Variants in AGAP4 observed in about 807,000 individuals in gnomAD.
AGAP4 encodes the protein ArfGAP with GTPase domain, ankyrin repeat and PH domain 4, also known as arf-GAP with GTPase, ANK repeat and PH domain-containing protein 4.
Under a neutral mutation model 60.7 loss-of-function variants are expected in AGAP4, and 13 were observed. The ratio of observed to expected loss-of-function variants is 0.21; its 90% CI spans 0.14 to 0.34. The LOEUF (loss-of-function observed/expected upper bound fraction) is 0.34, where lower values mean the gene tolerates loss of function less well. AGAP4 is among the 10% of genes least tolerant of loss of function. The probability of loss-of-function intolerance (pLI) is 1.00; values close to 1 mark genes in which losing one functional copy is unlikely to be tolerated. For missense variants in AGAP4, 169 were observed against 884.0 expected (o/e 0.19, Z 10.26); for synonymous variants, 70 against 339.0 (o/e 0.21, Z 8.72).
In AGAP4 at chr10:45,847,180, A is replaced by G; in HGVS notation, c.168T>C (p.Val56=). ...GCATGTGGAGGTCCTCACCAACTTC[A>G]ACAGTCACCTCAGCAGGCTGTACAG... ...AAAVQPAEVT[V]EVGEDLHMHH... The change falls in exon 1 of 8, where the codon GTT becomes GTC. Residue 56 remains valine (V), a synonymous_variant. Transcript: ENST00000616763. 1 of 1,601,008 alleles carries G rather than the reference A, an allele frequency of 6.2e-7. No homozygotes were observed. Among genetic ancestry groups the G allele is most frequent in the South Asian group, 1.1e-5 (1 of 91,006 alleles).
chr10:45,828,686 CTTTTTTTTTT>C (rs1229743163), intron 6 of AGAP4, among the ~76,000 whole-genome samples: 1 of 41,358 alleles, frequency 2.4e-5, no homozygotes, highest in Non-Finnish European at 4.2e-5. Flanking sequence ...CATAACTGTT[CTTTTTTTTTT>C]TTTTTTTTTT....
chr10:45,834,355 T>G (rs1483351765), intron 4 of AGAP4, among the ~76,000 whole-genome samples: 1 of 138,134 alleles, frequency 7.2e-6, no homozygotes, highest in Non-Finnish European at 1.5e-5. Flanking sequence ...AACAAGGATT[T>G]TATGAATTAC....
upstream of AGAP4, among the ~76,000 whole-genome samples, chr10:45,848,539 G>A (rs1554899915): frequency 7.9e-5 from 12 of 151,356 alleles, no homozygotes. Flanking sequence ...TTAACCCTCA[G>A]AAACAATCTC....
At chr10:45,849,533 A>T (rs1315557405), upstream of AGAP4, among the ~76,000 whole-genome samples, 6 of 151,004 alleles carry the variant, frequency 4.0e-5, no homozygotes, top group African/African-American at 1.5e-4. Flanking sequence ...TTGCCCAGTG[A>T]AATTGTTTCT....
Position 45,826,466 on chromosome 10 carries a change from C to T in AGAP4, c.1510G>A (p.Gly504Arg). The change falls in exon 8 of 8, where the codon GGA (glycine) becomes AGA (arginine). Residue 504 changes from glycine (G) to arginine (R), a missense_variant. Coordinates refer to ENST00000616763, the MANE Select transcript of AGAP4 (RefSeq NM_001276343.3). ...CGGGTGCCAAGACTGCGGTGGATTC[C>T]TGAGCATTCAATACACATGAGGACT... Reference protein sequence around the residue: ...LGVLMCIECSGIHRSLGTRLS... With the variant: ...LGVLMCIECSRIHRSLGTRLS... 1 of 1,603,980 alleles carries T rather than the reference C, an allele frequency of 6.2e-7. No individual in the cohort carries two copies.
chr10:45,838,203 C>G (rs2058854401), intron 4 of AGAP4, among the ~76,000 whole-genome samples: 2 of 148,578 alleles, frequency 1.3e-5, no homozygotes, highest in African/African-American at 4.9e-5. Context: ...CATGGAAAAC[C>G]AAATATCATG....
At chr10:45,840,106 T>A (rs1444217797) in intron 4 of AGAP4, among the ~76,000 whole-genome samples, 2 of 148,312 alleles carry the variant, frequency 1.3e-5, no homozygotes, top group African/African-American at 5.0e-5. Context: ...AATGAAAAGA[T>A]CCCCAACAAG....
upstream of AGAP4, among the ~76,000 whole-genome samples, chr10:45,852,155 G>C (rs1410260537): frequency 6.3e-5 from 9 of 143,188 alleles, no homozygotes; most frequent in Non-Finnish European, 1.2e-4. Context: ...TTCGTGATCT[G>C]CCCGCCTCGG....
At chr10:45,852,207 G>A (rs1349422003), upstream of AGAP4, among the ~76,000 whole-genome samples, 4 of 125,480 alleles carry the variant, frequency 3.2e-5, no homozygotes, top group Non-Finnish European at 4.7e-5. Context: ...CACTGCACCC[G>A]GCCAGACTTT....
upstream of AGAP4, among the ~76,000 whole-genome samples, chr10:45,850,655 A>C (rs77549632): frequency 0.21 from 31,586 of 149,862 alleles, 672 homozygotes; most frequent in South Asian, 0.4. Flanking sequence ...AAAGTCTGTG[A>C]TCATTTGGGA....
chr10:45,839,279 C>A, intron 4 of AGAP4, among the ~76,000 whole-genome samples: 1 of 111,592 alleles, frequency 9.0e-6, no homozygotes, highest in Admixed American at 9.3e-5. Flanking sequence ...GAACTAAAGG[C>A]AGGTTGTGAA....
chr10:45,851,154 A>G (rs2059078886), upstream of AGAP4, among the ~76,000 whole-genome samples: 1 of 152,072 alleles, frequency 6.6e-6, no homozygotes, highest in African/African-American at 2.4e-5. Flanking sequence ...AATTGAAGCC[A>G]TGGGTGTGGA....
intron 6 of AGAP4, among the ~76,000 whole-genome samples, chr10:45,830,133 A>G (rs1396680939): frequency 6.7e-6 from 1 of 148,956 alleles, no homozygotes; most frequent in Non-Finnish European, 1.5e-5. Context: ...TACACCTTCT[A>G]CCAACTACAT....
chr10:45,849,222 TC>T (rs2059048923), upstream of AGAP4, among the ~76,000 whole-genome samples: 1 of 150,602 alleles, frequency 6.6e-6, no homozygotes, highest in African/African-American at 2.4e-5. Context: ...CAAGACTCCA[TC>T]CCAAAAAACA....
upstream of AGAP4, among the ~76,000 whole-genome samples, chr10:45,848,626 G>A (rs2059037548): frequency 6.6e-6 from 1 of 152,078 alleles, no homozygotes; most frequent in South Asian, 2.1e-4. Context: ...TGCTAAGGGT[G>A]GGGCCATAGT....
chr10:45,825,604 A>G lies in AGAP4; in HGVS notation c.*311T>C. The G allele has an allele frequency of 2.2e-6, 1 of 459,910 alleles. No individual in the cohort carries two copies. Among genetic ancestry groups the G allele is most frequent in the South Asian group, 2.4e-5 (1 of 41,026 alleles). 28.5% of individuals were successfully genotyped at this position (459,910 alleles called of 1,614,324 possible). A position where few individuals can be genotyped will look rare whatever the true frequency, so the allele number is the denominator to read the frequency against. On this transcript the variant is annotated 3_prime_UTR_variant, in exon 8 of 8. Coordinates refer to ENST00000616763, the MANE Select transcript of AGAP4 (RefSeq NM_001276343.3). ...AAGAGGTGCCATGTGTACAAAAATCAATGCATATTTATGAACTTTATTTCA... is the reference window on the plus strand; with the variant it reads ...AAGAGGTGCCATGTGTACAAAAATCGATGCATATTTATGAACTTTATTTCA...
upstream of AGAP4, among the ~76,000 whole-genome samples, chr10:45,852,217 TAA>T (rs781889843): frequency 2.1e-4 from 19 of 91,712 alleles, no homozygotes; most frequent in African/African-American, 9.3e-4. Flanking sequence ...GGCCAGACTT[TAA>T]AAAAAAAAAA....
At chr10:45,844,212 A>T in intron 3 of AGAP4, 114 bp downstream of exon 3, 1 of 984,668 alleles carries the variant, frequency 1.0e-6, no homozygotes, top group Non-Finnish European at 1.5e-6. Flanking sequence ...ACAAGGGAAC[A>T]TGTGAAAAGA....
chr10:45,843,843 G>A (rs1257326809), intron 3 of AGAP4, among the ~76,000 whole-genome samples: 3 of 149,694 alleles, frequency 2.0e-5, no homozygotes, highest in African/African-American at 2.5e-5. Context: ...AAACTTGGAT[G>A]TGGTAAATGA....
Sources: allele counts gnomAD v4.1 joint callset (sites outside exome capture counted in the v4.1 genomes callset), GRCh38; gene constraint gnomAD v4.1.1; transcripts MANE v1.5; gene names NCBI Gene and HGNC (gene_info 2026-07-23, HGNC 2026-07-21).